SGK1: variants seen among roughly 807,000 people sequenced by gnomAD.
SGK1 encodes the protein serum/glucocorticoid regulated kinase 1.
A neutral mutation model predicts 64.2 loss-of-function variants in SGK1; 26 were observed. That is an observed-to-expected ratio of 0.40 (90% CI 0.30 to 0.56). The LOEUF (loss-of-function observed/expected upper bound fraction) is 0.56. SGK1 is among the 20% of genes least tolerant of loss of function. The probability of loss-of-function intolerance (pLI) is 0.38; values close to 1 mark genes in which losing one functional copy is unlikely to be tolerated. For synonymous variants in SGK1, 265 were observed against 239.7 expected (o/e 1.11, Z -0.98); for missense variants, 519 against 645.6 (o/e 0.80, Z 2.12).
intron 2 of SGK1, among the ~76,000 whole-genome samples, chr6:134,208,435 A>G (rs1775828189): frequency 6.6e-6 from 1 of 152,000 alleles, no homozygotes; most frequent in South Asian, 2.1e-4. Context: ...GGTTACATGG[A>G]TAAGTTCTTT....
chr6:134,174,195 C>G (rs941521646), intron 4 of SGK1, 115 bp from the exon 5 acceptor site: 22 of 711,968 alleles, frequency 3.1e-5, no homozygotes, highest in Admixed American at 2.8e-5. Flanking sequence ...ACTGTTTAAA[C>G]TGAAAATACC....
At chr6:134,298,293 G>T in intron 1 of SGK1, 1 of 1,559,196 alleles carries the variant, frequency 6.4e-7, no homozygotes. Flanking sequence ...TGTTGTCCAT[G>T]TTGCTCCAAG....
chr6:134,190,137 ACTGCACCT>A (rs1775485822), intron 3 of SGK1, among the ~76,000 whole-genome samples: 1 of 152,226 alleles, frequency 6.6e-6, no homozygotes, highest in African/African-American at 2.4e-5. Flanking sequence ...GGCGTGAGCC[ACTGCACCT>A]GGCCCTAAGT....
chr6:134,233,649 C>A (rs904797315), intron 2 of SGK1, among the ~76,000 whole-genome samples: 1 of 152,052 alleles, frequency 6.6e-6, no homozygotes, highest in Non-Finnish European at 1.5e-5. Context: ...TCATTTTCAC[C>A]CTGCTTTCCA....
chr6:134,235,293 C>T (rs1359088989), intron 2 of SGK1, among the ~76,000 whole-genome samples: 1 of 152,118 alleles, frequency 6.6e-6, no homozygotes, highest in Middle Eastern at 3.2e-3. Context: ...GCTTTCACAT[C>T]GCTTCCAGGG....
intron 2 of SGK1, among the ~76,000 whole-genome samples, chr6:134,216,051 A>G (rs934701031): frequency 1.3e-5 from 2 of 152,120 alleles, no homozygotes; most frequent in Non-Finnish European, 2.9e-5. Context: ...CAACAAAATA[A>G]ATATATTCAC....
rs532993597 is a variant in SGK1, at chr6:134,242,867, A to T, written c.285+19066T>A. On this transcript the variant is annotated intron_variant, in intron 2 of 13. Transcript: ENST00000367858. ...TTCAACTAATGGTTAAAAAACAAAC[A>T]AAACACCCAAAACACATCTTAGAAT... is the stretch of plus-strand genomic sequence containing the variant. Among the ~76,000 whole-genome samples, 16 of 152,314 alleles carry T rather than the reference A, an allele frequency of 1.1e-4. No homozygotes were observed. The South Asian group carries it at 3.3e-3, about 32-fold the overall frequency.
chr6:134,225,248 G>A (rs1300643628), intron 2 of SGK1, among the ~76,000 whole-genome samples: 1 of 151,352 alleles, frequency 6.6e-6, no homozygotes, highest in Non-Finnish European at 1.5e-5. Flanking sequence ...CTACTCAGGA[G>A]GCTGAGGCAG....
At chr6:134,216,816 A>G (rs144755107) in intron 2 of SGK1, among the ~76,000 whole-genome samples, 65 of 152,352 alleles carry the variant, frequency 4.3e-4, no homozygotes, top group Non-Finnish European at 8.2e-4. Context: ...TTTTAAAAAC[A>G]CTGGCACCAT....
rs1775056401 is a variant in SGK1, at chr6:134,172,328, T to C, written c.948-12A>G. 1.2e-6 allele frequency: 2 copies of C among 1,607,170 alleles called. No homozygotes were observed. The highest frequency in any genetic ancestry group is 8.5e-7 in the Non-Finnish European group (1 of 1,177,034). On this transcript the variant is annotated splice_polypyrimidine_tract_variant and intron_variant, in intron 9 of 13. Coordinates refer to ENST00000367858, the MANE Select transcript of SGK1 (RefSeq NM_001143676.3). ...CTGGTTTTAAGTCTCTGTAAAAAAG[T>C]GAATAGAAAAGTAGTTGCACAAGTT...
chr6:134,303,400 A>G (rs963816655), intron 1 of SGK1, among the ~76,000 whole-genome samples: 4 of 151,938 alleles, frequency 2.6e-5, no homozygotes, highest in South Asian at 2.1e-4. Context: ...TCAAAAAGAA[A>G]AAAGAAAAAA....
chr6:134,267,957 C>CA (rs1354701242), intron 1 of SGK1, among the ~76,000 whole-genome samples: 1 of 152,190 alleles, frequency 6.6e-6, no homozygotes, highest in Non-Finnish European at 1.5e-5. Context: ...CTTTATGACT[C>CA]CTTGACACTT....
intron 1 of SGK1, among the ~76,000 whole-genome samples, chr6:134,286,284 C>A (rs1437463170): frequency 2.0e-5 from 3 of 152,096 alleles, no homozygotes. Context: ...CTTTAGGAGG[C>A]CTGTCTCTAC....
intron 1 of SGK1, among the ~76,000 whole-genome samples, chr6:134,289,720 C>T (rs1047790347): frequency 1.3e-5 from 2 of 152,098 alleles, no homozygotes. Context: ...GTGGCTACCA[C>T]ATCAGACCCT....
chr6:134,181,765 A>T (rs1199422834), intron 3 of SGK1, among the ~76,000 whole-genome samples: 1 of 152,236 alleles, frequency 6.6e-6, no homozygotes, highest in African/African-American at 2.4e-5. Flanking sequence ...TAACAACAAA[A>T]GATACATGTA....
intron 1 of SGK1, among the ~76,000 whole-genome samples, chr6:134,287,519 A>G (rs1374727897): frequency 2.0e-5 from 3 of 148,678 alleles, no homozygotes; most frequent in African/African-American, 5.0e-5. Flanking sequence ...CCTAGTGTGT[A>G]TATTTGTCTA....
At chr6:134,268,588 T>G (rs1415698579) in intron 1 of SGK1, among the ~76,000 whole-genome samples, 4 of 145,716 alleles carry the variant, frequency 2.7e-5, no homozygotes, top group African/African-American at 7.4e-5. Context: ...CCGGGCGTAG[T>G]GGAGGGTGCC....
intron 1 of SGK1, among the ~76,000 whole-genome samples, chr6:134,274,919 C>T (rs1228843997): frequency 6.6e-6 from 1 of 152,120 alleles, no homozygotes; most frequent in Non-Finnish European, 1.5e-5. Context: ...GAATCTTTCA[C>T]CTCAGCCTCC....
At position 134,255,561 on chromosome 6, in the gene SGK1, G is replaced by C. The variant is rs1262287290; in HGVS notation, c.285+6372C>G. Among the ~76,000 whole-genome samples the C allele has an allele frequency of 2.0e-5, 3 of 148,330 alleles. No individual in the cohort carries two copies. The South Asian group carries it at 6.6e-4, about 33-fold the overall frequency. ...GACTCTGTCTCAAAAACAAACAAAG[G>C]CAAGAGATTTTGATTTTTTTTTTTT... On this transcript the variant is annotated intron_variant, in intron 2 of 13. Coordinates refer to ENST00000367858, the MANE Select transcript of SGK1 (RefSeq NM_001143676.3).
Sources: allele counts gnomAD v4.1 joint callset (sites outside exome capture counted in the v4.1 genomes callset), GRCh38; gene constraint gnomAD v4.1.1; transcripts MANE v1.5; gene names NCBI Gene and HGNC (gene_info 2026-07-23, HGNC 2026-07-21).